Variants in HDAC4 observed in about 807,000 individuals in gnomAD.
HDAC4 encodes histone deacetylase A.
In HDAC4, 16 loss-of-function variants were observed where a neutral mutation model predicts 135.1. The ratio of observed to expected loss-of-function variants is 0.12; its 90% CI spans 0.08 to 0.18. The LOEUF (loss-of-function observed/expected upper bound fraction) is 0.18, where lower values mean the gene tolerates loss of function less well. Ranked by LOEUF, HDAC4 falls within the 10% of genes least tolerant of loss-of-function variation. The probability of loss-of-function intolerance (pLI) is 1.00; values close to 1 mark genes in which losing one functional copy is unlikely to be tolerated. For missense variants in HDAC4, 1,143 were observed against 1,511.8 expected, an observed-to-expected ratio of 0.76 and a Z score of 4.05; for synonymous variants, 685 against 653.4, an observed-to-expected ratio of 1.05 and a Z score of -0.74.
At chr2:239,107,201 G>A (rs2038222894) in intron 15 of HDAC4, among the ~76,000 whole-genome samples, 1 of 152,196 alleles carries the variant, frequency 6.6e-6, no homozygotes, top group African/African-American at 2.4e-5. Flanking sequence ...GCACCAGCTG[G>A]GACAGCCTCA....
At chr2:239,120,738 G>A (rs996084393) in intron 12 of HDAC4, among the ~76,000 whole-genome samples, 19 of 152,054 alleles carry the variant, frequency 1.2e-4, no homozygotes, top group Admixed American at 5.2e-4. Flanking sequence ...CAGCCCAGGG[G>A]CCATTCTGAA....
At chr2:239,225,315 G>A (rs2047176359) in intron 3 of HDAC4, among the ~76,000 whole-genome samples, 1 of 152,212 alleles carries the variant, frequency 6.6e-6, no homozygotes, top group African/African-American at 2.4e-5. Context: ...AAAGGAAGAA[G>A]GGCTAAAAAT....
At chr2:239,252,882 A>G (rs2124985645) in intron 2 of HDAC4, among the ~76,000 whole-genome samples, 1 of 152,328 alleles carries the variant, frequency 6.6e-6, no homozygotes, top group Middle Eastern at 3.4e-3. Flanking sequence ...CCTGACGCAC[A>G]CACCCTTAAG....
intron 5 of HDAC4, among the ~76,000 whole-genome samples, chr2:239,172,296 AT>A (rs372193508): frequency 0.085 from 8,415 of 98,926 alleles, 334 homozygotes; most frequent in Admixed American, 0.14. Flanking sequence ...GAAAAAAAAT[AT>A]ATATATATAT....
intron 24 of HDAC4, among the ~76,000 whole-genome samples, chr2:239,062,495 T>C (rs1270678881): frequency 1.3e-5 from 2 of 152,282 alleles, no homozygotes; most frequent in African/African-American, 2.4e-5. Context: ...TTCCTCCTTT[T>C]TGACGTGTTT....
chr2:239,372,131 C>A (rs886749709), intron 1 of HDAC4, among the ~76,000 whole-genome samples: 12 of 152,168 alleles, frequency 7.9e-5, no homozygotes, highest in African/African-American at 2.9e-4. Context: ...GATGGGGAGC[C>A]TCCCTGAGGG....
At chr2:239,251,724 T>C (rs1250036581) in intron 2 of HDAC4, among the ~76,000 whole-genome samples, 1 of 152,116 alleles carries the variant, frequency 6.6e-6, no homozygotes, top group Admixed American at 6.6e-5. Context: ...ACAAGGCTCA[T>C]TATTCAATGG....
chr2:239,271,123 T>A (rs2050034931), intron 2 of HDAC4, among the ~76,000 whole-genome samples: 1 of 152,248 alleles, frequency 6.6e-6, no homozygotes, highest in Non-Finnish European at 1.5e-5. Flanking sequence ...TGTTTTTTGG[T>A]GTTTTTTGAG....
rs143185918 is a variant in HDAC4 at position 239,242,077 on chromosome 2, A to AGAAGGAAGGAAGGAAG, written c.23-5429_23-5414dup. On this transcript the variant is annotated intron_variant, in intron 2 of 26. Transcript: ENST00000543185. ...AAAGAAAAGAGAAAAAGAAAGAAAGAGAAGGAAGGAAGGAAGGAAGGAAGG... is the reference window on the plus strand; with the variant it reads ...AAAGAAAAGAGAAAAAGAAAGAAAGAGAAGGAAGGAAGGAAGGAAGGAAGGAAGGAAGGAAGGAAGG... 1.3e-3 allele frequency among the ~76,000 whole-genome samples: 187 copies of AGAAGGAAGGAAGGAAG among 149,358 alleles called. 2 individuals carry two copies. Among genetic ancestry groups the AGAAGGAAGGAAGGAAG allele is most frequent in the African/African-American group, 4.6e-3 (179 of 39,246 alleles).
chr2:239,278,287 C>A (rs1000844719), intron 2 of HDAC4, among the ~76,000 whole-genome samples: 3 of 151,866 alleles, frequency 2.0e-5, no homozygotes, highest in Non-Finnish European at 4.4e-5. Flanking sequence ...GAGGTGCCCA[C>A]CAACCAGTAT....
intron 2 of HDAC4, among the ~76,000 whole-genome samples, chr2:239,279,476 G>C (rs948144592): frequency 6.6e-6 from 1 of 152,208 alleles, no homozygotes; most frequent in African/African-American, 2.4e-5. Context: ...AGAAAAGCTG[G>C]GGTTCAGGCC....
chr2:239,231,496 C>T (rs905487207), intron 3 of HDAC4, among the ~76,000 whole-genome samples: 3 of 152,204 alleles, frequency 2.0e-5, no homozygotes, highest in Admixed American at 1.3e-4. Flanking sequence ...CACTCGGTCA[C>T]GGTGGAGAGC....
intron 3 of HDAC4, among the ~76,000 whole-genome samples, chr2:239,226,786 G>A (rs1221764170): frequency 1.3e-5 from 2 of 152,238 alleles, no homozygotes; most frequent in South Asian, 2.1e-4. Flanking sequence ...AAGTGAGGCC[G>A]GCAGGCTCAC....
chr2:239,349,298 G>A lies in HDAC4; in HGVS notation c.22+3380C>T, dbSNP rs1487481774. Among the ~76,000 whole-genome samples the A allele has an allele frequency of 1.3e-5, 2 of 152,280 alleles. No homozygotes were observed. The highest frequency in any genetic ancestry group is 1.5e-5 in the Non-Finnish European group (1 of 68,006). On this transcript the variant is annotated intron_variant, in intron 2 of 26. Transcript: ENST00000543185. This position sits in a 1 kb window ranked among gnomAD's most constrained non-coding sequence, Gnocchi z 5.7. ...CCCGAACACCACGTTGCCAGGACTC[G>A]GCTCCTCGGCTCAAGGAAAAGGGAC...
intron 22 of HDAC4, among the ~76,000 whole-genome samples, chr2:239,079,204 T>C (rs1436652344): frequency 1.3e-5 from 2 of 152,162 alleles, no homozygotes; most frequent in African/African-American, 4.8e-5. Flanking sequence ...TGGTACACAT[T>C]GGGGGACGTC....
chr2:239,315,492 A>G (rs2053078339), intron 2 of HDAC4, among the ~76,000 whole-genome samples: 1 of 152,204 alleles, frequency 6.6e-6, no homozygotes, highest in African/African-American at 2.4e-5. Flanking sequence ...GAAACCCAGC[A>G]TGCCCAACCA....
At chr2:239,215,706 A>C (rs2046594641) in intron 3 of HDAC4, among the ~76,000 whole-genome samples, 1 of 152,160 alleles carries the variant, frequency 6.6e-6, no homozygotes, top group African/African-American at 2.4e-5. Flanking sequence ...CAAAACAGAA[A>C]CAAGACACAA....
At chr2:239,099,036 C>T (rs2037374481) in intron 16 of HDAC4, among the ~76,000 whole-genome samples, 1 of 152,232 alleles carries the variant, frequency 6.6e-6, no homozygotes, top group Non-Finnish European at 1.5e-5. Context: ...AGGGATGCTG[C>T]AGAGACACTT....
chr2:239,372,713 C>T (rs1694717222), intron 1 of HDAC4, among the ~76,000 whole-genome samples: 1 of 151,450 alleles, frequency 6.6e-6, no homozygotes, highest in Non-Finnish European at 1.5e-5. Context: ...TAGCTTCTTT[C>T]TCTCTTTCCT....
Sources: gnomAD v4.1 joint callset for allele counts (sites outside exome capture counted in the v4.1 genomes callset) on GRCh38, gnomAD v4.1.1 for gene constraint, Gnocchi (gnomAD v3.1) non-coding constraint, MANE v1.5 for transcripts, NCBI Gene and HGNC (gene_info 2026-07-23, HGNC 2026-07-21) for gene names.